ZNF91: variants seen among roughly 807,000 people sequenced by gnomAD.
ZNF91 encodes the protein zinc finger protein 91 (HPF7, HTF10).
A neutral mutation model predicts 12.6 loss-of-function variants in ZNF91; 7 were observed. That is an observed-to-expected ratio of 0.55 (90% CI 0.31 to 1.04). The LOEUF (loss-of-function observed/expected upper bound fraction) is 1.04, where lower values mean the gene tolerates loss of function less well. Ranked by LOEUF, ZNF91 falls within the 50% of genes least tolerant of loss-of-function variation. The probability of loss-of-function intolerance (pLI) is 0.05; values close to 1 mark genes in which losing one functional copy is unlikely to be tolerated. For missense variants in ZNF91, 1,217 were observed against 1,385.4 expected, an observed-to-expected ratio of 0.88 and a Z score of 1.93; for synonymous variants, 453 against 462.6, an observed-to-expected ratio of 0.98 and a Z score of 0.27.
rs1968763665 is a variant in ZNF91, at chr19:23,361,451, T to C, written c.1528A>G (p.Ile510Val). The change falls in exon 4 of 4, where the codon ATA (isoleucine) becomes GTA (valine). Residue 510 changes from isoleucine to valine, a missense_variant. By Grantham distance (29) the Ile-to-Val change is conservative (BLOSUM62 3). Transcript: ENST00000300619. ...TAGGGTTTCTCTCCAGTATGAATTA[T>C]CTTATGTTTAGTAAGGGTTGAGGAT... The part of the protein sequence containing the change: ...RQSSTLTKHK[I>V]IHTGEKPYKF... 1 of 1,613,286 alleles carries C rather than the reference T, an allele frequency of 6.2e-7. No homozygotes were observed. The highest frequency in any genetic ancestry group is 8.5e-7 in the Non-Finnish European group (1 of 1,179,630).
chr19:23,365,569 G>A (rs993890460), intron 3 of ZNF91, among the ~76,000 whole-genome samples: 4 of 127,196 alleles, frequency 3.1e-5, no homozygotes, highest in Admixed American at 8.3e-5. Flanking sequence ...AAATATAGAA[G>A]TCTTTTTTTT....
chr19:23,393,765 C>T (rs1301580721), intron 1 of ZNF91, among the ~76,000 whole-genome samples: 3 of 152,076 alleles, frequency 2.0e-5, no homozygotes, highest in Non-Finnish European at 2.9e-5. Context: ...TTTGGGAGGC[C>T]GAAGTGGGCA....
Position 23,323,824 on chromosome 19 carries a change from CCT to C in ZNF91, n.117-14729_117-14728del, listed in dbSNP as rs1178887670. On this transcript the variant is annotated intron_variant and non_coding_transcript_variant, in intron 1 of 1. Transcript: ENST00000596528. ...CTCTTTTTCTACTCCTCCTACTTTT[CCT>C]TTTTCTTTTCTCCCATCCTTTTCCT... The C allele has an allele frequency of 5.3e-5, 8 of 151,362 alleles. No individual in the cohort carries two copies. In the East Asian group the frequency reaches 1.6e-3, roughly 30 times the overall value. The allele number at this position is 151,362 out of a possible 1,614,324, so 9.4% of individuals were successfully genotyped here. A position where few individuals can be genotyped will look rare whatever the true frequency, so the allele number is the denominator to read the frequency against.
chr19:23,341,055 AT>A (rs199646954), intron 3 of ZNF91, among the ~76,000 whole-genome samples: 15,310 of 138,400 alleles, frequency 0.11, 1,182 homozygotes, highest in East Asian at 0.36. Context: ...TAAAACTGCC[AT>A]TTTTTTTTTT....
downstream of ZNF91, among the ~76,000 whole-genome samples, chr19:23,337,338 GTGTGTGTGTA>G (rs1968032140): frequency 2.6e-5 from 3 of 116,656 alleles, no homozygotes; most frequent in Non-Finnish European, 5.8e-5. Flanking sequence ...GTATATATAT[GTGTGTGTGTA>G]TGTGTGTGTG....
At chr19:23,386,263 C>T (rs8103302) in intron 1 of ZNF91, among the ~76,000 whole-genome samples, 28,641 of 151,672 alleles carry the variant, frequency 0.19, 2,922 homozygotes, top group Non-Finnish European at 0.21. Context: ...TAATGCTGTT[C>T]GATATCAAAT....
At chr19:23,371,670 T>A (rs975563403) in intron 3 of ZNF91, among the ~76,000 whole-genome samples, 3 of 152,216 alleles carry the variant, frequency 2.0e-5, no homozygotes, top group Non-Finnish European at 4.4e-5. Flanking sequence ...GTTGGCAACA[T>A]TAATGTACGT....
chr19:23,352,833 T>C (rs186904855), downstream of ZNF91, among the ~76,000 whole-genome samples: 916 of 152,254 alleles, frequency 6.0e-3, 8 homozygotes, highest in South Asian at 0.035. Flanking sequence ...AAACCAACTT[T>C]AAAGCAACAG....
At position 23,369,767 on chromosome 19, in the gene ZNF91, G is replaced by A. The variant is rs375910157; in HGVS notation, c.253+3975C>T. 3.3e-5 allele frequency among the ~76,000 whole-genome samples: 5 copies of A among 151,072 alleles called. No individual in the cohort carries two copies. In the South Asian group the frequency reaches 1.1e-3, roughly 32 times the overall value. ...ACTCAGGGTTAAATGGATTAAGGGC[G>A]GTGCAAGATGTGCTTTGTTAAACAG... On this transcript the variant is annotated intron_variant, in intron 3 of 3. Transcript: ENST00000300619.
chr19:23,323,635 TCC>T, intron 1 of ZNF91, among the ~76,000 whole-genome samples: 1 of 141,484 alleles, frequency 7.1e-6, no homozygotes, highest in African/African-American at 2.8e-5. Flanking sequence ...TTTCTCCTCC[TCC>T]TTCTCTTCTC....
At chr19:23,356,737 A>C (rs1238720247), downstream of ZNF91, among the ~76,000 whole-genome samples, 2 of 152,228 alleles carry the variant, frequency 1.3e-5, no homozygotes, top group African/African-American at 2.4e-5. Flanking sequence ...ATGGAACAAT[A>C]AAATTTTAAA....
At chr19:23,346,214 GAACT>G (rs1446660365) in intron 3 of ZNF91, among the ~76,000 whole-genome samples, 101 of 152,144 alleles carry the variant, frequency 6.6e-4, no homozygotes, top group African/African-American at 2.4e-3. Flanking sequence ...CCAGTGTTAT[GAACT>G]AACTTGGCAT....
intron 1 of ZNF91, among the ~76,000 whole-genome samples, chr19:23,377,844 AATTC>A (rs140844489): frequency 0.012 from 1,792 of 152,312 alleles, 30 homozygotes; most frequent in African/African-American, 0.041. Context: ...GCACTGTGAT[AATTC>A]ATTATTTGAT....
intron 1 of ZNF91, chr19:23,384,979 GA>G: frequency 4.7e-6 from 5 of 1,069,886 alleles, no homozygotes; most frequent in Non-Finnish European, 4.4e-6. Flanking sequence ...CGTCATGGAG[GA>G]AAAAGGTCAG....
intron 1 of ZNF91, among the ~76,000 whole-genome samples, chr19:23,388,002 T>A: frequency 6.7e-6 from 1 of 149,426 alleles, no homozygotes; most frequent in South Asian, 2.1e-4. Flanking sequence ...TCCCAGCACT[T>A]TGGGAGGCAG....
intron 1 of ZNF91, chr19:23,327,065 G>A (rs949630751): frequency 6.6e-6 from 1 of 152,076 alleles, no homozygotes; most frequent in Non-Finnish European, 1.5e-5. Flanking sequence ...TTAGAGTTTT[G>A]TTTCACTAGT....
intron 1 of ZNF91, among the ~76,000 whole-genome samples, chr19:23,321,128 T>C (rs1377965209): frequency 6.6e-6 from 1 of 152,128 alleles, no homozygotes; most frequent in East Asian, 1.9e-4. Context: ...TAATCTCATC[T>C]GTGGATTTTT....
intron 1 of ZNF91, among the ~76,000 whole-genome samples, chr19:23,316,880 C>T (rs1439279012): frequency 6.6e-6 from 1 of 152,152 alleles, no homozygotes; most frequent in Non-Finnish European, 1.5e-5. Flanking sequence ...TCTTACACTA[C>T]CATCCATTGG....
intron 3 of ZNF91, among the ~76,000 whole-genome samples, chr19:23,348,155 C>G (rs1227004594): frequency 2.0e-5 from 3 of 152,102 alleles, no homozygotes; most frequent in Admixed American, 2.0e-4. Context: ...TTAAACTCAC[C>G]AAGTTGGCTC....
Sources: allele counts gnomAD v4.1 joint callset (sites outside exome capture counted in the v4.1 genomes callset), GRCh38; gene constraint gnomAD v4.1.1; transcripts MANE v1.5; gene names NCBI Gene and HGNC (gene_info 2026-07-23, HGNC 2026-07-21).